Variants in PDE4D observed in about 807,000 individuals in gnomAD.
The protein encoded by PDE4D is 3',5'-cyclic-AMP phosphodiesterase 4D.
In PDE4D, 24 loss-of-function variants were observed where a neutral mutation model predicts 87.4. The ratio of observed to expected loss-of-function variants is 0.27; its 90% CI spans 0.20 to 0.39. The LOEUF is 0.39. Among genes scored for constraint, PDE4D ranks in the 10% least tolerant of loss-of-function variants. The pLI is 1.00. For synonymous variants in PDE4D, 384 were observed against 383.2 expected (o/e 1.00, Z -0.02); for missense variants, 714 against 1,041.0 (o/e 0.69, Z 4.32).
intron 1 of PDE4D, among the ~76,000 whole-genome samples, chr5:60,379,480 G>C (rs1045127739): frequency 6.6e-6 from 1 of 152,200 alleles, no homozygotes; most frequent in Non-Finnish European, 1.5e-5. Context: ...GTGCAAAGCA[G>C]CTCTGAGGAC....
intron 1 of PDE4D, among the ~76,000 whole-genome samples, chr5:59,807,700 C>A (rs1189694119): frequency 6.6e-6 from 1 of 152,196 alleles, no homozygotes; most frequent in Admixed American, 6.5e-5. Context: ...AGAACCGAAA[C>A]ATTCAGGTTC....
chr5:59,292,329 T>A (rs1275546035), intron 1 of PDE4D, among the ~76,000 whole-genome samples: 3 of 151,774 alleles, frequency 2.0e-5, no homozygotes, highest in Non-Finnish European at 4.4e-5. Flanking sequence ...CATAAGCTAT[T>A]TTTAAAATAA....
chr5:60,259,930 G>C (rs540191150), intron 1 of PDE4D, among the ~76,000 whole-genome samples: 3 of 152,002 alleles, frequency 2.0e-5, no homozygotes, highest in African/African-American at 7.2e-5. Flanking sequence ...GCCTGGTCAA[G>C]GGTTAGCGGC....
chr5:59,754,717 T>C (rs1580895693), intron 1 of PDE4D, among the ~76,000 whole-genome samples: 1 of 152,188 alleles, frequency 6.6e-6, no homozygotes, highest in Non-Finnish European at 1.5e-5. Flanking sequence ...GAGACATACT[T>C]TTTAAAACAC....
chr5:59,687,322 CAG>C (rs970601554), intron 1 of PDE4D, among the ~76,000 whole-genome samples: 1 of 152,088 alleles, frequency 6.6e-6, no homozygotes, highest in Non-Finnish European at 1.5e-5. Context: ...TAAGGGCAGC[CAG>C]AGAGAAAGGT....
intron 1 of PDE4D, among the ~76,000 whole-genome samples, chr5:59,569,562 C>T (rs1232144471): frequency 6.6e-6 from 1 of 152,168 alleles, no homozygotes; most frequent in Non-Finnish European, 1.5e-5. Flanking sequence ...ACTTCGCCAC[C>T]TGGACCAATG....
At chr5:60,117,497 A>G (rs1032062534) in intron 2 of PDE4D, among the ~76,000 whole-genome samples, 3 of 152,116 alleles carry the variant, frequency 2.0e-5, no homozygotes, top group Non-Finnish European at 4.4e-5. Flanking sequence ...TACAATCTAT[A>G]AATATGCAAC....
At chr5:59,565,801 C>T (rs2153693450) in intron 1 of PDE4D, among the ~76,000 whole-genome samples, 1 of 152,288 alleles carries the variant, frequency 6.6e-6, no homozygotes, top group East Asian at 1.9e-4. Flanking sequence ...TCCTCTGCCA[C>T]ACTGTCCTTC....
intron 1 of PDE4D, among the ~76,000 whole-genome samples, chr5:60,403,489 G>A (rs1256285665): frequency 6.6e-6 from 1 of 152,110 alleles, no homozygotes; most frequent in Non-Finnish European, 1.5e-5. Context: ...TATATACAAG[G>A]TACAATTCAG....
chr5:59,801,816 C>T (rs1225201290), intron 1 of PDE4D, among the ~76,000 whole-genome samples: 1 of 152,178 alleles, frequency 6.6e-6, no homozygotes, highest in Non-Finnish European at 1.5e-5. Flanking sequence ...CCCACCAGAT[C>T]CTTATGGTAA....
intron 1 of PDE4D, among the ~76,000 whole-genome samples, chr5:59,237,304 G>A (rs990873198): frequency 9.9e-5 from 15 of 151,896 alleles, no homozygotes; most frequent in African/African-American, 3.4e-4. Flanking sequence ...TGAGGTTGGG[G>A]GTCTCCATAC....
intron 2 of PDE4D, among the ~76,000 whole-genome samples, chr5:59,198,882 A>G (rs1746089835): frequency 6.6e-6 from 1 of 152,158 alleles, no homozygotes; most frequent in South Asian, 2.1e-4. Context: ...AGATCCATAT[A>G]TGGTTCAAGT....
intron 1 of PDE4D, among the ~76,000 whole-genome samples, chr5:60,414,436 A>C (rs1742313835): frequency 6.6e-6 from 1 of 152,228 alleles, no homozygotes; most frequent in Non-Finnish European, 1.5e-5. Flanking sequence ...AGCTACTTAA[A>C]AATAAAATCA....
At chr5:59,844,882 G>C (rs1422796508) in intron 1 of PDE4D, among the ~76,000 whole-genome samples, 1 of 152,088 alleles carries the variant, frequency 6.6e-6, no homozygotes, top group Admixed American at 6.6e-5. Context: ...TGAATCAGAA[G>C]AACATCCATA....
intron 3 of PDE4D, among the ~76,000 whole-genome samples, chr5:59,915,708 T>C (rs1177918553): frequency 1.3e-5 from 2 of 152,242 alleles, no homozygotes; most frequent in Non-Finnish European, 2.9e-5. Flanking sequence ...TATGTCAGGA[T>C]TGTATTACTT....
At chr5:60,495,959 A>G (rs1220136845) in intron 1 of PDE4D, among the ~76,000 whole-genome samples, 3 of 152,220 alleles carry the variant, frequency 2.0e-5, no homozygotes, top group Non-Finnish European at 4.4e-5. Context: ...TTTGTTGTGC[A>G]AAGCAGGCCC....
chr5:59,708,724 A>G (rs1047994222), intron 1 of PDE4D, among the ~76,000 whole-genome samples: 1 of 152,152 alleles, frequency 6.6e-6, no homozygotes, highest in African/African-American at 2.4e-5. Context: ...TCTGATAACC[A>G]TGAAGGGTCA....
In PDE4D at chr5:59,781,784, C is replaced by CAAAAAA. The variant is rs58613622; in HGVS notation, c.455+111378_455+111383dup. 4.2e-3 allele frequency among the ~76,000 whole-genome samples: 166 copies of CAAAAAA among 39,892 alleles called. 7 individuals are homozygous for CAAAAAA. The highest frequency in any genetic ancestry group is 5.9e-3 in the Non-Finnish European group (129 of 21,724). 26.2% of individuals were successfully genotyped at this position (39,892 alleles called of 152,430 possible). On this transcript the variant is annotated intron_variant, in intron 1 of 14. Transcript: ENST00000340635. ...TGGGCGACAGAGCGACACTCCATCTCAAAAAAAAAAAAAAAAAAAAAAAAA... is the reference window on the plus strand; with the variant it reads ...TGGGCGACAGAGCGACACTCCATCTCAAAAAAAAAAAAAAAAAAAAAAAAAAAAAAA...
At chr5:59,840,784 T>C (rs938943672) in intron 1 of PDE4D, among the ~76,000 whole-genome samples, 1 of 152,042 alleles carries the variant, frequency 6.6e-6, no homozygotes, top group Non-Finnish European at 1.5e-5. Context: ...TTCTTTGTAA[T>C]ATAGTGCTTT....
Sources: allele counts gnomAD v4.1 joint callset (sites outside exome capture counted in the v4.1 genomes callset), GRCh38; gene constraint gnomAD v4.1.1; transcripts MANE v1.5; gene names NCBI Gene and HGNC (gene_info 2026-07-23, HGNC 2026-07-21).